The following CADM2 variants were observed in gnomAD, a reference collection of about 807,000 sequenced individuals.
CADM2 encodes immunoglobulin superfamily member 4D.
Under a neutral mutation model 49.8 loss-of-function variants are expected in CADM2, and 12 were observed. That is an observed-to-expected ratio of 0.24 (90% CI 0.15 to 0.39). CADM2 has a LOEUF of 0.39. Ranked by LOEUF, CADM2 falls within the 10% of genes least tolerant of loss-of-function variation. CADM2 has a pLI of 1.00. For synonymous variants in CADM2, 214 were observed against 175.4 expected (o/e 1.22, Z -1.74); for missense variants, 378 against 492.3 (o/e 0.77, Z 2.20).
chr3:85,365,805 AG>A (rs2032741486), intron 1 of CADM2, among the ~76,000 whole-genome samples: 1 of 152,208 alleles, frequency 6.6e-6, no homozygotes, highest in South Asian at 2.1e-4. Flanking sequence ...TTCCTCTGTG[AG>A]AAGCTCTCAG....
chr3:85,342,484 A>G (rs1344973840), intron 1 of CADM2, among the ~76,000 whole-genome samples: 8 of 152,162 alleles, frequency 5.3e-5, no homozygotes, highest in Admixed American at 4.6e-4. Flanking sequence ...GAGATAATAC[A>G]TTAGAGACAA....
At chr3:85,250,841 T>A (rs748003890) in intron 1 of CADM2, among the ~76,000 whole-genome samples, 3 of 151,750 alleles carry the variant, frequency 2.0e-5, no homozygotes, top group Non-Finnish European at 4.4e-5. Flanking sequence ...TATAGGAAGA[T>A]GTTTATTTAA....
chr3:85,907,727 G>A (rs757031418), intron 5 of CADM2, among the ~76,000 whole-genome samples: 1 of 151,990 alleles, frequency 6.6e-6, no homozygotes, highest in Non-Finnish European at 1.5e-5. Flanking sequence ...CCTGACCAAA[G>A]TGGCGAAACT....
intron 5 of CADM2, among the ~76,000 whole-genome samples, chr3:85,908,284 C>T (rs1717083709): frequency 7.5e-6 from 1 of 134,052 alleles, no homozygotes; most frequent in African/African-American, 2.9e-5. Context: ...TCCAGTTAAC[C>T]TAACTTGAAG....
At chr3:86,017,097 C>T (rs1732350936) in intron 8 of CADM2, among the ~76,000 whole-genome samples, 1 of 149,142 alleles carries the variant, frequency 6.7e-6, no homozygotes, top group South Asian at 2.1e-4. Flanking sequence ...TGCCATCAAG[C>T]TAATATGGGT....
At chr3:85,183,500 T>C (rs1470419452) in intron 1 of CADM2, among the ~76,000 whole-genome samples, 1 of 152,096 alleles carries the variant, frequency 6.6e-6, no homozygotes, top group Non-Finnish European at 1.5e-5. Flanking sequence ...GAGGAGCCAG[T>C]TGCACAGTAA....
intron 3 of CADM2, among the ~76,000 whole-genome samples, chr3:85,866,582 G>T (rs909619913): frequency 2.0e-5 from 3 of 151,984 alleles, no homozygotes; most frequent in African/African-American, 7.3e-5. Flanking sequence ...TAAATTGCAA[G>T]CTCTTAAAAA....
At chr3:85,919,407 A>G (rs891803987) in intron 6 of CADM2, among the ~76,000 whole-genome samples, 1 of 152,120 alleles carries the variant, frequency 6.6e-6, no homozygotes, top group South Asian at 2.1e-4. Flanking sequence ...AGGAGGAAGG[A>G]TGAGAGGAAA....
chr3:85,048,198 T>G (rs779044847), intron 1 of CADM2, among the ~76,000 whole-genome samples: 3 of 152,130 alleles, frequency 2.0e-5, no homozygotes, highest in Non-Finnish European at 2.9e-5. Context: ...ATGTTATAGA[T>G]AGTAGGAGAG....
intron 3 of CADM2, among the ~76,000 whole-genome samples, chr3:85,866,598 A>G (rs942483152): frequency 6.6e-6 from 1 of 152,196 alleles, no homozygotes; most frequent in African/African-American, 2.4e-5. Context: ...AAAAATCAGT[A>G]CAGGCACTTT....
chr3:85,811,003 T>C (rs758477897), intron 3 of CADM2, among the ~76,000 whole-genome samples: 14 of 152,180 alleles, frequency 9.2e-5, no homozygotes, highest in Admixed American at 3.9e-4. Context: ...ATAATGATAA[T>C]ATATGCTATA....
chr3:85,778,350 A>T (rs935851225), intron 2 of CADM2, among the ~76,000 whole-genome samples: 1 of 152,124 alleles, frequency 6.6e-6, no homozygotes, highest in Non-Finnish European at 1.5e-5. Context: ...TATAACTTAC[A>T]TGGTTTGGCT....
chr3:85,380,682 T>C (rs1395424135), intron 1 of CADM2, among the ~76,000 whole-genome samples: 1 of 151,972 alleles, frequency 6.6e-6, no homozygotes, highest in Non-Finnish European at 1.5e-5. Flanking sequence ...AACATGTTCA[T>C]ATTTTAATAC....
intron 1 of CADM2, among the ~76,000 whole-genome samples, chr3:85,105,330 A>C (rs1344389096): frequency 6.6e-6 from 1 of 152,230 alleles, no homozygotes; most frequent in Non-Finnish European, 1.5e-5. Flanking sequence ...GTGAATCCAA[A>C]AAACACATGA....
intron 7 of CADM2, among the ~76,000 whole-genome samples, chr3:85,951,842 A>G (rs1254335028): frequency 6.6e-6 from 1 of 151,002 alleles, no homozygotes; most frequent in African/African-American, 2.4e-5. Flanking sequence ...GAAGATGGAA[A>G]AGTTGGGTTC....
intron 8 of CADM2, chr3:86,015,173 A>G (rs1732056452): frequency 2.2e-6 from 1 of 457,604 alleles, no homozygotes; most frequent in African/African-American, 2.0e-5. Context: ...AAGAAAAGCC[A>G]TATGGTGTAT....
intron 1 of CADM2, among the ~76,000 whole-genome samples, chr3:85,722,100 G>C (rs2107769921): frequency 1.3e-5 from 2 of 152,160 alleles, no homozygotes; most frequent in South Asian, 4.2e-4. Context: ...GACCTCCGCA[G>C]CTCTCAGCAG....
intron 1 of CADM2, among the ~76,000 whole-genome samples, chr3:85,109,097 G>A (rs918547755): frequency 1.3e-5 from 2 of 151,858 alleles, no homozygotes; most frequent in East Asian, 3.9e-4. Context: ...TAGGTTTTTG[G>A]ACAATGACTC....
At chr3:85,964,579 C>G (rs529632271) in intron 8 of CADM2, among the ~76,000 whole-genome samples, 1 of 151,872 alleles carries the variant, frequency 6.6e-6, no homozygotes, top group East Asian at 2.0e-4. Flanking sequence ...CCACTCCCTC[C>G]TAATTACACC....
Sources: allele counts gnomAD v4.1 joint callset (sites outside exome capture counted in the v4.1 genomes callset), GRCh38; gene constraint gnomAD v4.1.1; transcripts MANE v1.5; gene names NCBI Gene and HGNC (gene_info 2026-07-23, HGNC 2026-07-21).